Variants in NKAIN2 observed in about 807,000 individuals in gnomAD.
NKAIN2 encodes sodium/potassium transporting ATPase interacting 2, also known as sodium/potassium-transporting ATPase subunit beta-1-interacting protein 2.
A neutral mutation model predicts 32.6 loss-of-function variants in NKAIN2; 14 were observed. The observed-to-expected ratio is 0.43, with a 90% CI of 0.28 to 0.67. The LOEUF is 0.67. NKAIN2 is among the 30% of genes least tolerant of loss of function. The pLI, the probability that NKAIN2 is intolerant of heterozygous loss-of-function variation, is 0.17. For synonymous variants in NKAIN2, 80 were observed against 87.2 expected, an observed-to-expected ratio of 0.92 and a Z score of 0.46; for missense variants, 198 against 258.3, an observed-to-expected ratio of 0.77 and a Z score of 1.60.
chr6:124,712,399 G>A lies in NKAIN2; in HGVS notation c.474+54013G>A, dbSNP rs199644618. ...TACCTAATCAAGCCTGGGCAATGGC[G>A]GGCGCCCCTCCCCCAGGCTCGCTGC... On this transcript the variant is annotated intron_variant, in intron 4 of 6. Coordinates refer to ENST00000368417, the MANE Select transcript of NKAIN2 (RefSeq NM_001040214.3). Among the ~76,000 whole-genome samples the A allele has an allele frequency of 5.2e-5, 6 of 116,312 alleles. 1 individual carries two copies. The highest frequency in any genetic ancestry group is 7.3e-5 in the Non-Finnish European group (4 of 54,854). The allele number at this position is 116,312 out of a possible 152,430, so 76.3% of individuals were successfully genotyped here.
At chr6:124,250,775 A>G (rs1326820770) in intron 1 of NKAIN2, among the ~76,000 whole-genome samples, 3 of 152,058 alleles carry the variant, frequency 2.0e-5, no homozygotes, top group Non-Finnish European at 4.4e-5. Flanking sequence ...ATAGGTACAT[A>G]CTAAGTATAT....
chr6:124,322,665 T>C (rs930107513), intron 2 of NKAIN2, among the ~76,000 whole-genome samples: 1 of 152,178 alleles, frequency 6.6e-6, no homozygotes, highest in African/African-American at 2.4e-5. Flanking sequence ...TTAAATATTG[T>C]AGGACATTTC....
At chr6:123,815,693 T>C (rs756108818) in intron 1 of NKAIN2, among the ~76,000 whole-genome samples, 2 of 152,182 alleles carry the variant, frequency 1.3e-5, no homozygotes, top group African/African-American at 2.4e-5. Flanking sequence ...GAAGAGCTTC[T>C]GCTTATCAAC....
chr6:123,911,331 G>A (rs1200553387), intron 1 of NKAIN2, among the ~76,000 whole-genome samples: 1 of 152,056 alleles, frequency 6.6e-6, no homozygotes, highest in Non-Finnish European at 1.5e-5. Context: ...GAGGGCCTCA[G>A]GAAGCTTCCA....
intron 4 of NKAIN2, among the ~76,000 whole-genome samples, chr6:124,733,494 A>G (rs1776785240): frequency 6.6e-6 from 1 of 151,904 alleles, no homozygotes. Flanking sequence ...AAGAAACTGT[A>G]CATAAGCACT....
chr6:124,117,770 T>C (rs1272475008), intron 1 of NKAIN2, among the ~76,000 whole-genome samples: 1 of 151,848 alleles, frequency 6.6e-6, no homozygotes, highest in East Asian at 1.9e-4. Context: ...TCAATAGCTT[T>C]TCTTATTTTG....
chr6:124,687,407 A>G (rs1773990623), intron 4 of NKAIN2, among the ~76,000 whole-genome samples: 1 of 123,804 alleles, frequency 8.1e-6, no homozygotes, highest in Admixed American at 7.9e-5. Context: ...ATGTGTATGT[A>G]TGGAATATAT....
In NKAIN2 at chr6:123,886,528, G is replaced by C. The variant is rs190107765; in HGVS notation, c.54+82274G>C. ...ATGCATCAAGTCTGTGTTTTCATCT[G>C]GAACTATGAATTTCCTACAACAAGC... On this transcript the variant is annotated intron_variant, in intron 1 of 6. Transcript: ENST00000368417. Among the ~76,000 whole-genome samples the C allele has an allele frequency of 8.5e-5, 13 of 152,170 alleles. No individual in the cohort carries two copies. In the East Asian group the frequency reaches 2.5e-3, roughly 29 times the overall value.
intron 1 of NKAIN2, among the ~76,000 whole-genome samples, chr6:124,052,898 A>G (rs567841240): frequency 1.2e-4 from 18 of 152,066 alleles, no homozygotes; most frequent in Admixed American, 3.3e-4. Flanking sequence ...TAGGAAATAG[A>G]AAAGGATAAG....
intron 3 of NKAIN2, among the ~76,000 whole-genome samples, chr6:124,486,882 C>T (rs1278265737): frequency 6.6e-6 from 1 of 152,010 alleles, no homozygotes; most frequent in African/African-American, 2.4e-5. Context: ...CATGCATCTT[C>T]AGTTTTGATT....
chr6:124,732,686 A>T (rs1776742913), intron 4 of NKAIN2, among the ~76,000 whole-genome samples: 1 of 152,070 alleles, frequency 6.6e-6, no homozygotes, highest in South Asian at 2.1e-4. Flanking sequence ...GTGATATTTT[A>T]GGATTGTTTT....
intron 4 of NKAIN2, among the ~76,000 whole-genome samples, chr6:124,676,431 C>T (rs1315938912): frequency 6.6e-6 from 1 of 152,050 alleles, no homozygotes; most frequent in Non-Finnish European, 1.5e-5. Context: ...ATTGAAATCT[C>T]CTACTATCAT....
intron 1 of NKAIN2, among the ~76,000 whole-genome samples, chr6:123,959,867 C>T (rs553202645): frequency 6.6e-6 from 1 of 151,232 alleles, no homozygotes; most frequent in African/African-American, 2.4e-5. Flanking sequence ...GATTATCAGC[C>T]TAGGCAACAG....
chr6:123,977,827 C>A (rs993151761), intron 1 of NKAIN2, among the ~76,000 whole-genome samples: 1 of 152,140 alleles, frequency 6.6e-6, no homozygotes, highest in African/African-American at 2.4e-5. Flanking sequence ...TGTCTTGATT[C>A]ATTTGTTCTC....
At position 124,139,837 on chromosome 6, in the gene NKAIN2, C is replaced by A. The variant is rs118057949; in HGVS notation, c.55-143168C>A. Among the ~76,000 whole-genome samples, 59 of 152,266 alleles carry A rather than the reference C, an allele frequency of 3.9e-4. No individual in the cohort carries two copies. In the East Asian group the frequency reaches 0.01, roughly 27 times the overall value. On this transcript the variant is annotated intron_variant, in intron 1 of 6. Transcript: ENST00000368417. ...TTTGGGAGAAGAAGGATATTTATTT[C>A]TCTTTCCTTTTCTTGGAAAATACAA...
At chr6:124,552,156 T>G (rs1780311661) in intron 3 of NKAIN2, among the ~76,000 whole-genome samples, 1 of 152,174 alleles carries the variant, frequency 6.6e-6, no homozygotes, top group African/African-American at 2.4e-5. Context: ...AAACTCTCAT[T>G]TCAATGACCT....
chr6:124,285,086 AAC>A (rs1795475991), intron 2 of NKAIN2, among the ~76,000 whole-genome samples: 1 of 152,192 alleles, frequency 6.6e-6, no homozygotes, highest in Non-Finnish European at 1.5e-5. Context: ...TATTAGACAC[AAC>A]CTGAACTCTT....
At chr6:124,540,563 T>C (rs1334538600) in intron 3 of NKAIN2, among the ~76,000 whole-genome samples, 4 of 152,208 alleles carry the variant, frequency 2.6e-5, no homozygotes, top group African/African-American at 9.6e-5. Flanking sequence ...ACTGTAGCCA[T>C]GTACTACTAT....
At chr6:124,056,999 T>A (rs1355764178) in intron 1 of NKAIN2, among the ~76,000 whole-genome samples, 1 of 152,070 alleles carries the variant, frequency 6.6e-6, no homozygotes, top group Non-Finnish European at 1.5e-5. Context: ...ATAAACTCTA[T>A]ACCTTCCAAT....
Sources: allele counts gnomAD v4.1 joint callset (sites outside exome capture counted in the v4.1 genomes callset), GRCh38; gene constraint gnomAD v4.1.1; transcripts MANE v1.5; gene names NCBI Gene and HGNC (gene_info 2026-07-23, HGNC 2026-07-21).